BICD1: variants seen among roughly 807,000 people sequenced by gnomAD.
BICD1 encodes the protein protein bicaudal D homolog 1.
BICD1 carries 35 observed loss-of-function variants against 92.5 expected under a neutral mutation model. The ratio of observed to expected loss-of-function variants is 0.38; its 90% CI spans 0.29 to 0.50. BICD1 has a LOEUF of 0.50. Among genes scored for constraint, BICD1 ranks in the 20% least tolerant of loss-of-function variants. The pLI is 0.93. For missense variants in BICD1, 950 were observed against 1,189.8 expected, an observed-to-expected ratio of 0.80 and a Z score of 2.97; for synonymous variants, 429 against 465.1, an observed-to-expected ratio of 0.92 and a Z score of 1.00.
chr12:32,334,755 T>C, intron 6 of BICD1, 88 bp downstream of exon 6: 1 of 1,441,266 alleles, frequency 6.9e-7, no homozygotes, highest in Non-Finnish European at 9.3e-7. Context: ...ATGTTGAGTG[T>C]ATTCGGTGAG....
At chr12:32,179,989 C>CAAAA (rs4001794) in intron 1 of BICD1, among the ~76,000 whole-genome samples, 6 of 122,174 alleles carry the variant, frequency 4.9e-5, no homozygotes, top group East Asian at 4.6e-4. Flanking sequence ...GACACGCTCT[C>CAAAA]AAAAAAAAAA....
chr12:32,142,697 A>T (rs755086093), intron 1 of BICD1, among the ~76,000 whole-genome samples: 1 of 152,166 alleles, frequency 6.6e-6, no homozygotes, highest in African/African-American at 2.4e-5. Flanking sequence ...AAAAAATTTC[A>T]TCATTAAGAT....
chr12:32,231,026 T>C (rs1192884832), intron 2 of BICD1, among the ~76,000 whole-genome samples: 1 of 152,236 alleles, frequency 6.6e-6, no homozygotes, highest in African/African-American at 2.4e-5. Flanking sequence ...TGATATTATA[T>C]TTGTCAATGA....
intron 1 of BICD1, among the ~76,000 whole-genome samples, chr12:32,132,776 G>A (rs1191887700): frequency 2.6e-5 from 4 of 152,160 alleles, no homozygotes; most frequent in Non-Finnish European, 5.9e-5. Context: ...ATTTTAAGCC[G>A]CCTGAGTGAT....
At chr12:32,224,296 C>G (rs1212587850) in intron 2 of BICD1, among the ~76,000 whole-genome samples, 1 of 152,214 alleles carries the variant, frequency 6.6e-6, no homozygotes, top group Non-Finnish European at 1.5e-5. Flanking sequence ...CAGTGAAGAA[C>G]TGTTGTTGTT....
intron 1 of BICD1, among the ~76,000 whole-genome samples, chr12:32,132,109 C>T (rs78865807): frequency 0.1 from 15,280 of 151,946 alleles, 1,043 homozygotes; most frequent in Middle Eastern, 0.2. Flanking sequence ...TCAAAAGTAA[C>T]AGTAAGTGTA....
chr12:32,294,861 CA>C (rs1390345662), intron 3 of BICD1, among the ~76,000 whole-genome samples: 1 of 151,800 alleles, frequency 6.6e-6, no homozygotes, highest in Non-Finnish European at 1.5e-5. Flanking sequence ...GCGGGTGGAT[CA>C]CCTGAGGTCA....
At chr12:32,128,671 A>G (rs1164529563) in intron 1 of BICD1, among the ~76,000 whole-genome samples, 1 of 152,152 alleles carries the variant, frequency 6.6e-6, no homozygotes, top group Non-Finnish European at 1.5e-5. Context: ...ATATGTTTAT[A>G]GTTTATATTT....
intron 3 of BICD1, among the ~76,000 whole-genome samples, chr12:32,304,448 C>T (rs1948156417): frequency 6.6e-6 from 1 of 152,130 alleles, no homozygotes; most frequent in South Asian, 2.1e-4. Context: ...GCACATTGAA[C>T]AGCAGAATTC....
chr12:32,309,080 C>A (rs554577281), intron 4 of BICD1, among the ~76,000 whole-genome samples: 1 of 152,194 alleles, frequency 6.6e-6, no homozygotes, highest in South Asian at 2.1e-4. Context: ...GAGAAGTATA[C>A]CTTCTCATGA....
intron 2 of BICD1, among the ~76,000 whole-genome samples, chr12:32,253,922 CACTGCTGTATCCCACCTGTCATATTT>C (rs994573106): frequency 1.5e-4 from 22 of 142,842 alleles, no homozygotes; most frequent in African/African-American, 2.3e-4. Context: ...CTGCCATAAT[CACTGCTGTATCCCACCTGTCATATTT>C]ACTGCTGTAT....
intron 4 of BICD1, among the ~76,000 whole-genome samples, chr12:32,321,159 C>T (rs1948646560): frequency 6.6e-6 from 1 of 152,012 alleles, no homozygotes; most frequent in South Asian, 2.1e-4. Flanking sequence ...AACCCCGTCT[C>T]TGTGAAAAAT....
At chr12:32,185,885 T>A (rs186857147) in intron 1 of BICD1, among the ~76,000 whole-genome samples, 8 of 152,148 alleles carry the variant, frequency 5.3e-5, no homozygotes, top group African/African-American at 1.9e-4. Flanking sequence ...TTCCCTGGGT[T>A]GATAGGAAGA....
intron 8 of BICD1, among the ~76,000 whole-genome samples, chr12:32,355,607 G>T (rs1263732330): frequency 1.3e-5 from 2 of 152,070 alleles, no homozygotes; most frequent in African/African-American, 4.8e-5. Context: ...TATGAGACTA[G>T]CCTGGGCAAC....
intron 8 of BICD1, among the ~76,000 whole-genome samples, chr12:32,357,142 G>T (rs1939146601): frequency 6.6e-6 from 1 of 151,460 alleles, no homozygotes; most frequent in Admixed American, 6.6e-5. Context: ...CTCCTGAGTA[G>T]CTGGGATTAC....
At chr12:32,260,638 CTT>C (rs35105546) in intron 2 of BICD1, among the ~76,000 whole-genome samples, 403 of 145,092 alleles carry the variant, frequency 2.8e-3, no homozygotes, top group African/African-American at 4.0e-3. Context: ...TATTCTAGTA[CTT>C]TTTTTTTTTT....
At chr12:32,127,972 C>T (rs1452673147) in intron 1 of BICD1, among the ~76,000 whole-genome samples, 2 of 150,360 alleles carry the variant, frequency 1.3e-5, no homozygotes, top group African/African-American at 4.9e-5. Flanking sequence ...GGCGCGATCT[C>T]AGTTCACTGC....
chr12:32,195,230 T>C (rs544853068), intron 1 of BICD1, among the ~76,000 whole-genome samples: 13 of 152,362 alleles, frequency 8.5e-5, no homozygotes, highest in African/African-American at 3.1e-4. Context: ...ATCAAAATTT[T>C]AATGGCATTT....
chr12:32,308,299 C>G (rs1001003077), intron 4 of BICD1, among the ~76,000 whole-genome samples: 3 of 152,100 alleles, frequency 2.0e-5, no homozygotes, highest in Non-Finnish European at 4.4e-5. Flanking sequence ...GGTTACATTT[C>G]CTCAGTTGAA....
Sources: allele counts gnomAD v4.1 joint callset (sites outside exome capture counted in the v4.1 genomes callset), GRCh38; gene constraint gnomAD v4.1.1; transcripts MANE v1.5; gene names NCBI Gene and HGNC (gene_info 2026-07-23, HGNC 2026-07-21).